KIAA1549: variants seen among roughly 807,000 people sequenced by gnomAD.
The protein encoded by KIAA1549 is UPF0606 protein KIAA1549.
In KIAA1549, 70 loss-of-function variants were observed where a neutral mutation model predicts 156.4. The observed-to-expected ratio is 0.45, with a 90% CI of 0.37 to 0.55. The LOEUF is 0.55. Among genes scored for constraint, KIAA1549 ranks in the 20% least tolerant of loss-of-function variants. The pLI is 0.00. For missense variants in KIAA1549, 2,428 were observed against 2,540.9 expected (o/e 0.96, Z 0.96); for synonymous variants, 1,103 against 1,066.4 (o/e 1.03, Z -0.67).
At chr7:138,849,236 T>C (rs1563048245) in intron 17 of KIAA1549, among the ~76,000 whole-genome samples, 1 of 152,066 alleles carries the variant, frequency 6.6e-6, no homozygotes, top group East Asian at 1.9e-4. Flanking sequence ...GTATTTATTT[T>C]CTATTTCATT....
intron 12 of KIAA1549, among the ~76,000 whole-genome samples, chr7:138,872,571 G>A (rs745416203): frequency 6.6e-6 from 1 of 152,142 alleles, no homozygotes; most frequent in Non-Finnish European, 1.5e-5. Context: ...AGAGAAAAAT[G>A]AAGACGGGCT....
rs768863518 is a variant in KIAA1549, at chr7:138,917,668, C to T, written c.1958G>A (p.Ser653Asn). The change falls in exon 2 of 20, where the codon AGT becomes AAT. Residue 653 changes from serine to asparagine, a missense_variant. By Grantham distance (46) the Ser-to-Asn change is conservative. This residue lies in a region of KIAA1549 where 893 missense variants were observed against 847.9 expected (regional missense o/e 1.05). Transcript: ENST00000422774. ...EAPASLSLMP[S>N]DLSPFTSQSF... ...CTGAGATGTGAAGGGGGACAAGTCA[C>T]TCGGCATCAGAGACAGAGACGCAGG... 1 of 1,612,430 alleles carries T rather than the reference C, an allele frequency of 6.2e-7. No individual in the cohort carries two copies. The highest frequency in any genetic ancestry group is 1.1e-5 in the South Asian group (1 of 90,764).
chr7:138,865,096 C>T (rs1354983232), intron 15 of KIAA1549, among the ~76,000 whole-genome samples: 1 of 152,132 alleles, frequency 6.6e-6, no homozygotes, highest in African/African-American at 2.4e-5. Context: ...GGCAAGGTGG[C>T]ATGTGCCTGT....
intron 1 of KIAA1549, among the ~76,000 whole-genome samples, chr7:138,975,423 A>G (rs1035699438): frequency 7.3e-6 from 1 of 137,850 alleles, no homozygotes; most frequent in Non-Finnish European, 1.5e-5. Context: ...AACCTAACAG[A>G]AAAAGGACAG....
intron 1 of KIAA1549, among the ~76,000 whole-genome samples, chr7:138,951,771 G>A (rs1813506039): frequency 6.6e-6 from 1 of 152,174 alleles, no homozygotes; most frequent in South Asian, 2.1e-4. Flanking sequence ...ACATCATGAT[G>A]AGAAAACTAT....
rs59242488 is a variant in KIAA1549, at chr7:138,897,892, C to CAAAAAA, written c.3847+1057_3847+1062dup. On this transcript the variant is annotated intron_variant, in intron 9 of 19. Coordinates refer to ENST00000422774, the MANE Select transcript of KIAA1549 (RefSeq NM_001164665.2). ...TGGGTGACAGAGCAAGACCCTTTCT[C>CAAAAAA]AAAAAAAAAAAAAAAAAAAAAAAAA... Among the ~76,000 whole-genome samples, 36 of 27,498 alleles carry CAAAAAA rather than the reference C, an allele frequency of 1.3e-3. 1 individual carries two copies. The highest frequency in any genetic ancestry group is 1.7e-3 in the African/African-American group (15 of 8,712). The allele number at this position is 27,498 out of a possible 152,430, so 18.0% of individuals were successfully genotyped here. A position where few individuals can be genotyped will look rare whatever the true frequency, so the allele number is the denominator to read the frequency against.
chr7:138,850,560 T>G (rs1300199982), intron 17 of KIAA1549, among the ~76,000 whole-genome samples: 1 of 152,188 alleles, frequency 6.6e-6, no homozygotes, highest in East Asian at 1.9e-4. Flanking sequence ...TCTTGTTAAG[T>G]TCCTTATAGA....
chr7:138,957,856 T>C (rs552946), intron 1 of KIAA1549, among the ~76,000 whole-genome samples: 65,479 of 151,924 alleles, frequency 0.43, 16,786 homozygotes, highest in African/African-American at 0.73. Flanking sequence ...CTACTGTCCC[T>C]TATTCTCTCT....
At chr7:138,968,874 A>C (rs1392855042) in intron 1 of KIAA1549, among the ~76,000 whole-genome samples, 2 of 151,910 alleles carry the variant, frequency 1.3e-5, no homozygotes, top group African/African-American at 4.8e-5. Flanking sequence ...AAAAAAAAAA[A>C]AAAAAACACC....
chr7:138,880,686 C>T (rs990722493), intron 11 of KIAA1549, among the ~76,000 whole-genome samples: 2 of 152,162 alleles, frequency 1.3e-5, no homozygotes, highest in African/African-American at 4.8e-5. Flanking sequence ...TTAATAAACC[C>T]GATTCTGAAC....
At chr7:138,908,106 T>C (rs1812061507) in intron 5 of KIAA1549, among the ~76,000 whole-genome samples, 2 of 152,098 alleles carry the variant, frequency 1.3e-5, no homozygotes, top group South Asian at 4.1e-4. Context: ...GGGAAAGCTG[T>C]GCCAGCTACT....
chr7:138,917,627 C>A lies in KIAA1549; in HGVS notation c.1999G>T (p.Val667Phe), dbSNP rs1298775203. 2 of 1,613,688 alleles carry A rather than the reference C, an allele frequency of 1.2e-6. No homozygotes were observed. The highest frequency in any genetic ancestry group is 1.1e-5 in the South Asian group (1 of 91,032). ...GAGTCAAACAATGTAAATGTCTCAA[C>A]CAAGGGAGAAAAAGACTGAGATGTG... The part of the protein sequence containing the change: ...PFTSQSFSPL[V>F]ETFTLFDSSD... The change falls in exon 2 of 20, where the codon GTT becomes TTT. Residue 667 changes from valine to phenylalanine, a missense_variant. Val to Phe is a conservative substitution (Grantham distance 50). Coordinates refer to ENST00000422774, the MANE Select transcript of KIAA1549 (RefSeq NM_001164665.2).
chr7:138,871,196 TG>T lies in KIAA1549; in HGVS notation c.4511del (p.Pro1504GlnfsTer47). The part of the protein sequence containing the change: ...IPAPPVQRPS[P>X]ADRVAESNKI... ...TATTGCTTTCCGCCACTCGGTCGGC[TG>T]GGGAGGGGCGCTGGACGGGAGGTGC... On this transcript the variant is annotated frameshift_variant, in exon 13 of 20. Coordinates refer to ENST00000422774, the MANE Select transcript of KIAA1549 (RefSeq NM_001164665.2). LOFTEE classifies it high-confidence loss of function. 2 of 1,613,302 alleles carry T rather than the reference TG, an allele frequency of 1.2e-6. No individual in the cohort carries two copies.
chr7:138,890,726 C>T (rs1404697732), intron 10 of KIAA1549, among the ~76,000 whole-genome samples: 1 of 152,228 alleles, frequency 6.6e-6, no homozygotes. Context: ...GAACGATATG[C>T]TCACAGAGCC....
chr7:138,857,558 C>A (rs1215467371), intron 16 of KIAA1549, among the ~76,000 whole-genome samples: 1 of 152,210 alleles, frequency 6.6e-6, no homozygotes, highest in Non-Finnish European at 1.5e-5. Flanking sequence ...TACATTCCCA[C>A]CAGCAGTTCA....
chr7:138,849,543 T>C (rs548101808), intron 17 of KIAA1549, among the ~76,000 whole-genome samples: 4 of 152,198 alleles, frequency 2.6e-5, no homozygotes, highest in African/African-American at 9.6e-5. Context: ...TGCAAACACA[T>C]AGAAATTTTC....
At chr7:138,958,175 C>A (rs982010695) in intron 1 of KIAA1549, among the ~76,000 whole-genome samples, 1 of 152,170 alleles carries the variant, frequency 6.6e-6, no homozygotes, top group African/African-American at 2.4e-5. Flanking sequence ...GGGCATGTGA[C>A]CCACATGCGC....
chr7:138,968,379 C>T (rs1814098883), intron 1 of KIAA1549, among the ~76,000 whole-genome samples: 1 of 151,960 alleles, frequency 6.6e-6, no homozygotes, highest in Non-Finnish European at 1.5e-5. Context: ...TGGTTAAAAA[C>T]GTAACATAAA....
chr7:138,917,247 G>A lies in KIAA1549; in HGVS notation c.2379C>T (p.Val793=), dbSNP rs1186065744. The A allele has an allele frequency of 1.2e-6, 2 of 1,613,916 alleles. No individual in the cohort carries two copies. The highest frequency in any genetic ancestry group is 2.7e-5 in the African/African-American group (2 of 75,070). The change falls in exon 2 of 20, where the codon GTC becomes GTT. Residue 793 remains valine (V), a synonymous_variant. Transcript: ENST00000422774. The part of the protein sequence containing the change: ...GIQATSPLTT[V]HTTPILTESS... ...ACTCAGTTAAAATGGGCGTTGTGTG[G>A]ACAGTGGTCAATGGTGATGTTGCTT...
Sources: allele counts gnomAD v4.1 joint callset (sites outside exome capture counted in the v4.1 genomes callset), GRCh38; gene constraint gnomAD v4.1.1; regional missense constraint gnomAD v4.1.1; transcripts MANE v1.5; gene names NCBI Gene and HGNC (gene_info 2026-07-23, HGNC 2026-07-21).